The following EPHB1 variants were observed in gnomAD, a reference collection of about 807,000 sequenced individuals.
EPHB1 encodes the protein ephrin type-B receptor 1.
A neutral mutation model predicts 94.4 loss-of-function variants in EPHB1; 30 were observed. The ratio of observed to expected loss-of-function variants is 0.32; its 90% CI spans 0.24 to 0.43. The LOEUF (loss-of-function observed/expected upper bound fraction) is 0.43, where lower values mean the gene tolerates loss of function less well. Among genes scored for constraint, EPHB1 ranks in the 20% least tolerant of loss-of-function variants. EPHB1 has a pLI of 1.00. For missense variants in EPHB1, 1,055 were observed against 1,308.3 expected (o/e 0.81, Z 2.99); for synonymous variants, 522 against 489.1 (o/e 1.07, Z -0.89).
At chr3:135,254,741 A>G (rs1327197810) in intron 15 of EPHB1, among the ~76,000 whole-genome samples, 1 of 152,100 alleles carries the variant, frequency 6.6e-6, no homozygotes, top group Non-Finnish European at 1.5e-5. Context: ...AAAATGAGTT[A>G]GGGAGGATTC....
intron 5 of EPHB1, among the ~76,000 whole-genome samples, chr3:135,147,574 T>G (rs902651510): frequency 1.3e-5 from 2 of 152,168 alleles, no homozygotes; most frequent in African/African-American, 4.8e-5. Context: ...AGCATCACTC[T>G]GGGGGGTCAC....
chr3:135,252,228 ATTATACT>A (rs1347487344), intron 15 of EPHB1, among the ~76,000 whole-genome samples: 2 of 150,862 alleles, frequency 1.3e-5, no homozygotes, highest in African/African-American at 4.9e-5. Context: ...ATTTTTTATT[ATTATACT>A]TTAAGTTTTA....
chr3:135,022,545 G>A (rs1286638729), intron 3 of EPHB1, among the ~76,000 whole-genome samples: 1 of 152,114 alleles, frequency 6.6e-6, no homozygotes, highest in Non-Finnish European at 1.5e-5. Flanking sequence ...GAAAAATTCT[G>A]TCCTTATAAT....
chr3:135,225,255 G>GTATC (rs1022370911), intron 12 of EPHB1, among the ~76,000 whole-genome samples: 16 of 152,294 alleles, frequency 1.1e-4, no homozygotes, highest in African/African-American at 3.6e-4. Context: ...TCCAAAAGAT[G>GTATC]TATCTCCCAA....
intron 3 of EPHB1, among the ~76,000 whole-genome samples, chr3:135,017,184 C>G (rs1935826852): frequency 6.6e-6 from 1 of 152,188 alleles, no homozygotes; most frequent in Non-Finnish European, 1.5e-5. Context: ...TCACCAAGCA[C>G]CGCCTTCACT....
intron 3 of EPHB1, among the ~76,000 whole-genome samples, chr3:135,029,932 C>CT (rs1211890530): frequency 4.6e-5 from 7 of 151,286 alleles, no homozygotes; most frequent in African/African-American, 1.7e-4. Context: ...TCTTTTTATT[C>CT]TTTTTTCTCT....
At chr3:135,053,027 G>GTGTATATATATATATATATATA (rs1256844091) in intron 3 of EPHB1, among the ~76,000 whole-genome samples, 2 of 110,462 alleles carry the variant, frequency 1.8e-5, no homozygotes, top group African/African-American at 8.5e-5. Context: ...GTGTGTGTGT[G>GTGTATATATATATATATATATA]TATATATATA....
intron 11 of EPHB1, among the ~76,000 whole-genome samples, chr3:135,196,902 A>G (rs1942633810): frequency 6.6e-6 from 1 of 152,152 alleles, no homozygotes; most frequent in Non-Finnish European, 1.5e-5. Context: ...ATCCATAATT[A>G]AATTTTTCCT....
At chr3:134,946,969 T>C (rs1390837434) in intron 2 of EPHB1, among the ~76,000 whole-genome samples, 1 of 152,232 alleles carries the variant, frequency 6.6e-6, no homozygotes, top group Non-Finnish European at 1.5e-5. Flanking sequence ...AGAGGGTCTT[T>C]CCTGACAATC....
chr3:134,970,328 G>T (rs1196624254), intron 3 of EPHB1, among the ~76,000 whole-genome samples: 1 of 152,150 alleles, frequency 6.6e-6, no homozygotes, highest in Non-Finnish European at 1.5e-5. Context: ...TGCCTGTGAT[G>T]TCCAATTATT....
At chr3:135,043,978 G>A (rs1162292927) in intron 3 of EPHB1, among the ~76,000 whole-genome samples, 2 of 152,230 alleles carry the variant, frequency 1.3e-5, no homozygotes, top group African/African-American at 4.8e-5. Context: ...TCAGGGCTGG[G>A]CTAATGAGAG....
chr3:135,096,222 G>A (rs950768683), intron 3 of EPHB1, among the ~76,000 whole-genome samples: 1 of 152,206 alleles, frequency 6.6e-6, no homozygotes, highest in Non-Finnish European at 1.5e-5. Flanking sequence ...CTTCACAATA[G>A]CTATGGGAAG....
chr3:135,255,052 C>T (rs539581480), intron 15 of EPHB1, among the ~76,000 whole-genome samples: 324 of 152,216 alleles, frequency 2.1e-3, no homozygotes, highest in Middle Eastern at 6.8e-3. Context: ...TCTGTGGGAT[C>T]GGTGGTGATA....
intron 1 of EPHB1, among the ~76,000 whole-genome samples, chr3:134,894,229 C>G (rs892759630): frequency 6.6e-6 from 1 of 152,178 alleles, no homozygotes; most frequent in Non-Finnish European, 1.5e-5. Flanking sequence ...TGCCTTGGGA[C>G]ACAGAGACAC....
chr3:135,006,659 G>C (rs947798517), intron 3 of EPHB1, among the ~76,000 whole-genome samples: 4 of 152,172 alleles, frequency 2.6e-5, no homozygotes, highest in Admixed American at 2.6e-4. Context: ...GTGAGACACT[G>C]TTTCTAAAAA....
chr3:135,146,174 G>A (rs1488559144), intron 5 of EPHB1, among the ~76,000 whole-genome samples: 1 of 152,186 alleles, frequency 6.6e-6, no homozygotes, highest in African/African-American at 2.4e-5. Context: ...GCAAGGATAA[G>A]CAGTGTGGGG....
rs534785022 is a variant in EPHB1 at position 135,037,547 on chromosome 3, CTG to C, written c.806-68900_806-68899del. ...CAAGTCCATTTGACAGAAGGGGAAA[CTG>C]GGGTCCAGAGAGTTTAGGTGACTTG... is the stretch of plus-strand genomic sequence containing the variant. On this transcript the variant is annotated intron_variant, in intron 3 of 15. Transcript: ENST00000398015. 9.9e-4 allele frequency among the ~76,000 whole-genome samples: 151 copies of C among 152,312 alleles called. 1 individual carries two copies. Among genetic ancestry groups the C allele is most frequent in the African/African-American group, 3.6e-3 (148 of 41,562 alleles).
intron 3 of EPHB1, among the ~76,000 whole-genome samples, chr3:134,991,394 G>C (rs1934792606): frequency 6.6e-6 from 1 of 152,176 alleles, no homozygotes; most frequent in Non-Finnish European, 1.5e-5. Context: ...ACCAGGGCTG[G>C]TCTTCCTTGG....
chr3:135,183,020 CTTTTCT>C (rs1268048613), intron 10 of EPHB1, among the ~76,000 whole-genome samples: 1,225 of 61,286 alleles, frequency 0.02, 7 homozygotes, highest in Middle Eastern at 0.04. Context: ...CTTTTCTTTT[CTTTTCT>C]TTTCTTTCTT....
Sources: gnomAD v4.1 joint callset for allele counts (sites outside exome capture counted in the v4.1 genomes callset) on GRCh38, gnomAD v4.1.1 for gene constraint, MANE v1.5 for transcripts, NCBI Gene and HGNC (gene_info 2026-07-23, HGNC 2026-07-21) for gene names.